TRIQK: variants seen among roughly 807,000 people sequenced by gnomAD.
TRIQK encodes the protein triple QxxK/R motif containing.
Under a neutral mutation model 10.8 loss-of-function variants are expected in TRIQK, and 10 were observed. That is an observed-to-expected ratio of 0.92 (90% CI 0.57 to 1.57). TRIQK has a LOEUF of 1.57. Among genes scored for constraint, TRIQK ranks in the 40% most tolerant of loss-of-function variants. The pLI, the probability that TRIQK is intolerant of heterozygous loss-of-function variation, is 0.00. For synonymous variants in TRIQK, 33 were observed against 33.7 expected (o/e 0.98, Z 0.07); for missense variants, 107 against 97.7 (o/e 1.09, Z -0.40).
Position 92,886,614 on chromosome 8 carries a change from T to C in TRIQK, c.*8A>G. The C allele has an allele frequency of 6.7e-7, 1 of 1,497,552 alleles. No individual in the cohort carries two copies. The highest frequency in any genetic ancestry group is 8.9e-7 in the Non-Finnish European group (1 of 1,123,102). 92.8% of individuals were successfully genotyped at this position (1,497,552 alleles called of 1,614,324 possible). On this transcript the variant is annotated 3_prime_UTR_variant, in exon 5 of 5. Coordinates refer to ENST00000521988, the MANE Select transcript of TRIQK (RefSeq NM_001171797.2). ...TTATTTCTCTTTCATGCATTGATTG[T>C]TGCTTAGCTAATCTTCATCTTGGTC... is the stretch of plus-strand genomic sequence containing the variant.
intron 1 of TRIQK, among the ~76,000 whole-genome samples, chr8:93,012,279 C>T (rs1203440894): frequency 6.6e-6 from 1 of 152,016 alleles, no homozygotes; most frequent in Non-Finnish European, 1.5e-5. Context: ...TCTGTCTTTT[C>T]TTTGTGCTGG....
chr8:93,007,366 C>T (rs1348939586), intron 1 of TRIQK, among the ~76,000 whole-genome samples: 2 of 152,138 alleles, frequency 1.3e-5, no homozygotes, highest in Non-Finnish European at 2.9e-5. Context: ...CCACAAAAAC[C>T]CCATCCAAAA....
intron 2 of TRIQK, among the ~76,000 whole-genome samples, chr8:92,928,506 C>T (rs1042123688): frequency 3.9e-5 from 6 of 152,100 alleles, no homozygotes; most frequent in Non-Finnish European, 5.9e-5. Context: ...ATTCCTGGGC[C>T]CCATCACAGT....
chr8:93,011,220 A>G (rs1224769971), intron 1 of TRIQK, among the ~76,000 whole-genome samples: 5 of 151,712 alleles, frequency 3.3e-5, no homozygotes, highest in Non-Finnish European at 4.4e-5. Flanking sequence ...ATATATATAT[A>G]TACAGGAGGT....
At chr8:92,969,113 G>A (rs1201077260), upstream of TRIQK, among the ~76,000 whole-genome samples, 2 of 152,012 alleles carry the variant, frequency 1.3e-5, no homozygotes, top group Non-Finnish European at 2.9e-5. Context: ...ATGGTTGTAG[G>A]TGTGTGGTGT....
At chr8:93,012,546 G>T (rs1311003138) in intron 1 of TRIQK, among the ~76,000 whole-genome samples, 1 of 152,128 alleles carries the variant, frequency 6.6e-6, no homozygotes, top group Non-Finnish European at 1.5e-5. Flanking sequence ...ACTATTGAGA[G>T]ATTTTTCTGG....
rs946711636 is a variant in TRIQK at position 92,885,237 on chromosome 8, G to A, written c.*1385C>T. On this transcript the variant is annotated 3_prime_UTR_variant, in exon 5 of 5. Coordinates refer to ENST00000521988, the MANE Select transcript of TRIQK (RefSeq NM_001171797.2). ...AACATAATGCTACACAGTCACAGTC[G>A]ACTTTTTGCAAAAGTACCAGAGAAT... 120 of 320,374 alleles carry A rather than the reference G, an allele frequency of 3.7e-4. No individual in the cohort carries two copies. The highest frequency in any genetic ancestry group is 2.4e-3 in the African/African-American group (110 of 46,178). The allele number at this position is 320,374 out of a possible 1,614,324, so 19.8% of individuals were successfully genotyped here. A position where few individuals can be genotyped will look rare whatever the true frequency, so the allele number is the denominator to read the frequency against.
intron 2 of TRIQK, among the ~76,000 whole-genome samples, chr8:92,940,360 T>C (rs952379830): frequency 6.8e-6 from 1 of 147,344 alleles, no homozygotes; most frequent in Non-Finnish European, 1.5e-5. Flanking sequence ...AAGACCCAAC[T>C]GTATATACTG....
At chr8:92,994,393 T>A (rs1813129894) in intron 1 of TRIQK, among the ~76,000 whole-genome samples, 1 of 140,050 alleles carries the variant, frequency 7.1e-6, no homozygotes, top group East Asian at 2.0e-4. Flanking sequence ...TTTTTCAACA[T>A]TTTAAAAAAT....
At position 92,884,575 on chromosome 8, in the gene TRIQK, C is replaced by CA. The variant is rs1395055851; in HGVS notation, c.*2046dup. 9.6e-6 allele frequency: 3 copies of CA among 311,148 alleles called. No individual in the cohort carries two copies. The highest frequency in any genetic ancestry group is 1.6e-4 in the East Asian group (2 of 12,328). 19.3% of individuals were successfully genotyped at this position (311,148 alleles called of 1,614,324 possible). On this transcript the variant is annotated 3_prime_UTR_variant, in exon 5 of 5. Coordinates refer to ENST00000521988, the MANE Select transcript of TRIQK (RefSeq NM_001171797.2). ...AATAGTTATCAAAAACATTTTTCCC[C>CA]AAAAAATACCTCAAGGGTAAAACAG...
upstream of TRIQK, among the ~76,000 whole-genome samples, chr8:92,968,473 G>T (rs1358067085): frequency 1.3e-5 from 2 of 152,102 alleles, no homozygotes. Context: ...GTTGTTTCCT[G>T]CCTTTTTAAT....
intron 1 of TRIQK, among the ~76,000 whole-genome samples, chr8:92,957,476 A>G (rs962021227): frequency 6.6e-6 from 1 of 151,878 alleles, no homozygotes; most frequent in Non-Finnish European, 1.5e-5. Flanking sequence ...TTCATTATAT[A>G]TCTAAATCAA....
At chr8:92,926,038 C>A (rs1439883059) in intron 2 of TRIQK, among the ~76,000 whole-genome samples, 1 of 151,774 alleles carries the variant, frequency 6.6e-6, no homozygotes. Context: ...CAAGATCGCG[C>A]CACTGCACTC....
At chr8:92,980,575 A>C (rs1395257898) in intron 1 of TRIQK, among the ~76,000 whole-genome samples, 2 of 152,020 alleles carry the variant, frequency 1.3e-5, no homozygotes, top group Non-Finnish European at 2.9e-5. Context: ...GTGCTGCTTC[A>C]GTTTCTTCTA....
chr8:92,971,730 A>G (rs1393046580), intron 1 of TRIQK, among the ~76,000 whole-genome samples: 2 of 152,172 alleles, frequency 1.3e-5, no homozygotes. Context: ...GCCCAAAGTA[A>G]TTTACAAACT....
At chr8:92,964,122 A>G (rs1183561906) in intron 1 of TRIQK, among the ~76,000 whole-genome samples, 1 of 152,078 alleles carries the variant, frequency 6.6e-6, no homozygotes, top group African/African-American at 2.4e-5. Context: ...GGGGGCCCCA[A>G]AAGGGAACTG....
chr8:92,886,851 C>G, intron 4 of TRIQK, 116 bp from the exon 5 acceptor site: 1 of 621,324 alleles, frequency 1.6e-6, no homozygotes, highest in Non-Finnish European at 2.7e-6. Flanking sequence ...TAATTTGAAC[C>G]TAATAATCAT....
At chr8:92,983,523 C>T (rs1475379715) in intron 1 of TRIQK, among the ~76,000 whole-genome samples, 1 of 152,054 alleles carries the variant, frequency 6.6e-6, no homozygotes, top group East Asian at 1.9e-4. Flanking sequence ...TAATTTATTA[C>T]ATCTGGCAAG....
Position 92,884,804 on chromosome 8 carries a change from G to A in TRIQK, c.*1818C>T, listed in dbSNP as rs1305438349. On this transcript the variant is annotated 3_prime_UTR_variant, in exon 5 of 5. Coordinates refer to ENST00000521988, the MANE Select transcript of TRIQK (RefSeq NM_001171797.2). ...ACTGTTTTAACACCATATGGAACGGGAAATAACTAAATGAAAATTGTTCAC... is the reference window on the plus strand; with the variant it reads ...ACTGTTTTAACACCATATGGAACGGAAAATAACTAAATGAAAATTGTTCAC... 2 of 453,210 alleles carry A rather than the reference G, an allele frequency of 4.4e-6. No homozygotes were observed. The highest frequency in any genetic ancestry group is 4.0e-5 in the African/African-American group (2 of 49,560). The allele number at this position is 453,210 out of a possible 1,614,324, so 28.1% of individuals were successfully genotyped here.
Sources: allele counts gnomAD v4.1 joint callset (sites outside exome capture counted in the v4.1 genomes callset), GRCh38; gene constraint gnomAD v4.1.1; transcripts MANE v1.5; gene names NCBI Gene and HGNC (gene_info 2026-07-23, HGNC 2026-07-21).